SP140L: variants seen among roughly 807,000 people sequenced by gnomAD.
SP140L encodes nuclear body protein SP140-like protein.
SP140L carries 64 observed loss-of-function variants against 84.3 expected under a neutral mutation model. The observed-to-expected ratio is 0.76, with a 90% CI of 0.62 to 0.94. The LOEUF (loss-of-function observed/expected upper bound fraction) is 0.94, where lower values mean the gene tolerates loss of function less well. Ranked by LOEUF, SP140L falls within the 40% of genes least tolerant of loss-of-function variation. SP140L has a pLI of 0.00. For synonymous variants in SP140L, 242 were observed against 236.9 expected, an observed-to-expected ratio of 1.02 and a Z score of -0.20; for missense variants, 628 against 692.5, an observed-to-expected ratio of 0.91 and a Z score of 1.05.
intron 4 of SP140L, among the ~76,000 whole-genome samples, chr2:230,359,991 G>GGTGCTATACCAAACTA (rs1274167276): frequency 1.3e-5 from 2 of 151,810 alleles, no homozygotes; most frequent in Admixed American, 6.5e-5. Context: ...CTAAAGTTTT[G>GGTGCTATACCAAACTA]ATTCTTGACT....
Position 230,357,862 on chromosome 2 carries a change from G to C in SP140L, c.165G>C (p.Lys55Asn), listed in dbSNP as rs561322588. Residue 55 changes from lysine (K) to asparagine (N), a missense_variant, in exon 3 of 19, where the codon AAG (lysine) becomes AAC (asparagine). This residue lies in a region of SP140L where 525 missense variants were observed against 518.4 expected (regional missense o/e 1.01). Coordinates refer to ENST00000415673, the MANE Select transcript of SP140L (RefSeq NM_138402.6). Reference protein sequence around the residue: ...DEGLVYDTVFKHFKRHKLEIS... With the variant: ...DEGLVYDTVFNHFKRHKLEIS... ...GACTTGTCTATGACACTGTATTCAA[G>C]CACTTCAAAAGACATAAGCTGGAGA... 1 of 1,614,052 alleles carries C rather than the reference G, an allele frequency of 6.2e-7. No homozygotes were observed. The highest frequency in any genetic ancestry group is 1.1e-5 in the South Asian group (1 of 91,078).
chr2:230,358,922 G>T, intron 3 of SP140L, 42 bp from the exon 4 acceptor site: 2 of 1,491,564 alleles, frequency 1.3e-6, no homozygotes, highest in South Asian at 1.4e-5. Flanking sequence ...TCTGTAACTT[G>T]AAAGTCTGTA....
chr2:230,377,813 T>C (rs921119171), intron 7 of SP140L, among the ~76,000 whole-genome samples: 1 of 151,574 alleles, frequency 6.6e-6, no homozygotes, highest in East Asian at 1.9e-4. Flanking sequence ...TTGATAGTGT[T>C]AGTAAAACTT....
At chr2:230,391,508 T>C (rs1223946288) in intron 11 of SP140L, among the ~76,000 whole-genome samples, 1 of 152,250 alleles carries the variant, frequency 6.6e-6, no homozygotes, top group Non-Finnish European at 1.5e-5. Flanking sequence ...TTAATTTTTC[T>C]ATTAGGTAAC....
At chr2:230,331,698 C>T (rs1411214054) in intron 2 of SP140L, among the ~76,000 whole-genome samples, 1 of 152,148 alleles carries the variant, frequency 6.6e-6, no homozygotes, top group Non-Finnish European at 1.5e-5. Flanking sequence ...CACTTTAGTG[C>T]TAGGCATTTT....
At chr2:230,390,080 T>C (rs1462260193) in intron 11 of SP140L, 57 bp downstream of exon 11, 1 of 1,480,300 alleles carries the variant, frequency 6.8e-7, no homozygotes, top group Non-Finnish European at 9.3e-7. Flanking sequence ...TCACAAGAAG[T>C]GGTGAAATTA....
chr2:230,358,105 G>A, intron 3 of SP140L, 138 bp downstream of exon 3: 1 of 969,836 alleles, frequency 1.0e-6, no homozygotes, highest in East Asian at 2.4e-5. Flanking sequence ...CTGAGGAAAT[G>A]GTGTTCCATG....
intron 7 of SP140L, among the ~76,000 whole-genome samples, chr2:230,378,404 G>A (rs12105721): frequency 0.026 from 3,920 of 152,268 alleles, 182 homozygotes; most frequent in African/African-American, 0.089. Flanking sequence ...GCAGTCAGAA[G>A]GAGAAAGGGT....
Position 230,366,651 on chromosome 2 carries a change from G to A in SP140L, c.524-4257G>A, listed in dbSNP as rs180679821. 3.1e-4 allele frequency among the ~76,000 whole-genome samples: 47 copies of A among 150,096 alleles called. 2 individuals are homozygous for A. In the East Asian group the frequency reaches 9.2e-3, roughly 29 times the overall value. On this transcript the variant is annotated intron_variant, in intron 5 of 18. Coordinates refer to ENST00000415673, the MANE Select transcript of SP140L (RefSeq NM_138402.6). ...TTATACTTAATATAATTATTGCTAG[G>A]CAAGTACCTACTACAACTATTTTGT...
chr2:230,384,364 A>G (rs1221430331), intron 8 of SP140L, among the ~76,000 whole-genome samples: 1 of 152,156 alleles, frequency 6.6e-6, no homozygotes, highest in Non-Finnish European at 1.5e-5. Flanking sequence ...ATAATTATAT[A>G]TGTTATTTAT....
At chr2:230,335,099 T>C (rs533905595) in intron 2 of SP140L, among the ~76,000 whole-genome samples, 1 of 152,296 alleles carries the variant, frequency 6.6e-6, no homozygotes, top group South Asian at 2.1e-4. Context: ...ATCTTTCCAT[T>C]TTGTTGGTCT....
intron 2 of SP140L, among the ~76,000 whole-genome samples, chr2:230,347,313 G>A (rs2060237978): frequency 6.6e-6 from 1 of 152,158 alleles, no homozygotes; most frequent in Non-Finnish European, 1.5e-5. Flanking sequence ...AGGGTTGCAG[G>A]CTGTGTTTTG....
At chr2:230,328,027 G>T (rs1439005350) in intron 1 of SP140L, among the ~76,000 whole-genome samples, 1 of 152,088 alleles carries the variant, frequency 6.6e-6, no homozygotes, top group African/African-American at 2.4e-5. Flanking sequence ...CTCTAGTAAC[G>T]AGTTTATAAA....
chr2:230,381,696 G>A (rs955395391), intron 7 of SP140L, among the ~76,000 whole-genome samples: 3 of 147,152 alleles, frequency 2.0e-5, no homozygotes, highest in Non-Finnish European at 4.5e-5. Context: ...GCAAGATAGT[G>A]GGACCCTGTC....
intron 2 of SP140L, among the ~76,000 whole-genome samples, chr2:230,330,104 C>G (rs1326182667): frequency 2.0e-5 from 3 of 152,144 alleles, no homozygotes; most frequent in Non-Finnish European, 4.4e-5. Context: ...CAGGCTCGAC[C>G]AGGGCAGCTC....
chr2:230,346,293 T>C (rs987715689), intron 2 of SP140L, among the ~76,000 whole-genome samples: 9 of 152,208 alleles, frequency 5.9e-5, no homozygotes, highest in Non-Finnish European at 1.0e-4. Context: ...TAAGTTATGC[T>C]TTCCTTGCTG....
chr2:230,371,531 T>C (rs2061070757), intron 6 of SP140L, 67 bp from the exon 7 acceptor site: 2 of 1,329,688 alleles, frequency 1.5e-6, no homozygotes. Flanking sequence ...ATAGTATGAA[T>C]TGTCCTAAAA....
intron 12 of SP140L, 70 bp from the exon 13 acceptor site, chr2:230,393,344 G>C: frequency 1.3e-6 from 2 of 1,496,548 alleles, no homozygotes; most frequent in Non-Finnish European, 1.8e-6. Context: ...TTTGGGAAGA[G>C]GTTGGAAATG....
chr2:230,364,589 G>C (rs2702274), intron 5 of SP140L, among the ~76,000 whole-genome samples: 2 of 152,136 alleles, frequency 1.3e-5, no homozygotes, highest in South Asian at 2.1e-4. Flanking sequence ...CTACAATTAA[G>C]AACAATTTAA....
Sources: gnomAD v4.1 joint callset for allele counts (sites outside exome capture counted in the v4.1 genomes callset) on GRCh38, gnomAD v4.1.1 for gene constraint, gnomAD v4.1.1 regional missense constraint, MANE v1.5 for transcripts, NCBI Gene and HGNC (gene_info 2026-07-23, HGNC 2026-07-21) for gene names.